The following MAML3 variants were observed in gnomAD, a reference collection of about 807,000 sequenced individuals.
MAML3 encodes the protein mastermind like transcriptional coactivator 3.
A neutral mutation model predicts 101.9 loss-of-function variants in MAML3; 27 were observed. The observed-to-expected ratio is 0.27, with a 90% CI of 0.20 to 0.37. The LOEUF (loss-of-function observed/expected upper bound fraction) is 0.37, where lower values mean the gene tolerates loss of function less well. Ranked by LOEUF, MAML3 falls within the 10% of genes least tolerant of loss-of-function variation. The probability of loss-of-function intolerance (pLI) is 1.00; values close to 1 mark genes in which losing one functional copy is unlikely to be tolerated. For synonymous variants in MAML3, 501 were observed against 555.9 expected (o/e 0.90, Z 1.39); for missense variants, 1,316 against 1,444.9 (o/e 0.91, Z 1.45).
chr4:139,810,373 A>C (rs1483671160), intron 2 of MAML3, among the ~76,000 whole-genome samples: 1 of 151,886 alleles, frequency 6.6e-6, no homozygotes, highest in Non-Finnish European at 1.5e-5. Flanking sequence ...AAATTTTTTT[A>C]GAGTCAGGGT....
At chr4:139,730,801 A>G (rs1728675695) in intron 2 of MAML3, 134 bp from the exon 3 acceptor site, 1 of 758,210 alleles carries the variant, frequency 1.3e-6, no homozygotes, top group Non-Finnish European at 2.1e-6. Flanking sequence ...AGTGGCACGC[A>G]TTGCATTTCC....
intron 2 of MAML3, among the ~76,000 whole-genome samples, chr4:139,864,923 CTTTTTTTTTTTTTTTTT>C (rs56361332): frequency 1.6e-5 from 1 of 62,468 alleles, no homozygotes; most frequent in African/African-American, 5.9e-5. Context: ...TGCAAACTTG[CTTTTTTTTTTTTTTTTT>C]TTTTTTTTTT....
chr4:140,147,996 A>T (rs1011608772), intron 1 of MAML3, among the ~76,000 whole-genome samples: 4 of 152,148 alleles, frequency 2.6e-5, no homozygotes, highest in Non-Finnish European at 5.9e-5. Context: ...TGGGCAGGAA[A>T]ACTTCTTTAA....
chr4:139,907,111 T>C (rs1256291908), intron 1 of MAML3, among the ~76,000 whole-genome samples: 1 of 152,252 alleles, frequency 6.6e-6, no homozygotes, highest in African/African-American at 2.4e-5. Flanking sequence ...TGCTTATCAG[T>C]ATTTAAAAAT....
At chr4:139,878,221 T>A (rs1179428024) in intron 2 of MAML3, among the ~76,000 whole-genome samples, 1 of 152,140 alleles carries the variant, frequency 6.6e-6, no homozygotes, top group Non-Finnish European at 1.5e-5. Context: ...TCCCGCCAAC[T>A]CCTACTCATT....
chr4:140,056,332 C>A (rs1335868931), intron 1 of MAML3, among the ~76,000 whole-genome samples: 1 of 151,898 alleles, frequency 6.6e-6, no homozygotes, highest in Admixed American at 6.6e-5. Flanking sequence ...AGCATGCCCT[C>A]AGCTAATCTT....
At chr4:139,837,886 C>G (rs1256198082) in intron 2 of MAML3, among the ~76,000 whole-genome samples, 2 of 152,090 alleles carry the variant, frequency 1.3e-5, no homozygotes, top group African/African-American at 4.8e-5. Flanking sequence ...CGCCACTGCA[C>G]TCCAGCCTGT....
chr4:140,026,522 G>A (rs1162441944), intron 1 of MAML3, among the ~76,000 whole-genome samples: 1 of 152,100 alleles, frequency 6.6e-6, no homozygotes, highest in African/African-American at 2.4e-5. Flanking sequence ...CCAAAGTGCT[G>A]GGATTACAGC....
intron 2 of MAML3, among the ~76,000 whole-genome samples, chr4:139,852,403 G>GTTTTTTTTTTTTGTTGTTGTTTT (rs1731572846): frequency 1.5e-5 from 1 of 68,326 alleles, no homozygotes; most frequent in African/African-American, 6.7e-5. Context: ...TCAGAAGACT[G>GTTTTTTTTTTTTGTTGTTGTTTT]TTTTTTTTTT....
At chr4:139,835,654 C>T (rs539711440) in intron 2 of MAML3, among the ~76,000 whole-genome samples, 9 of 152,264 alleles carry the variant, frequency 5.9e-5, no homozygotes, top group East Asian at 5.8e-4. Flanking sequence ...TATTTTTACT[C>T]GGTGGCCTAT....
chr4:139,809,926 G>A (rs912670233), intron 2 of MAML3, among the ~76,000 whole-genome samples: 6 of 151,132 alleles, frequency 4.0e-5, no homozygotes, highest in African/African-American at 7.3e-5. Context: ...GCATAATAAA[G>A]CTTTGTAGAT....
intron 1 of MAML3, 83 bp downstream of exon 1, chr4:140,152,777 C>T (rs769469246): frequency 8.5e-5 from 131 of 1,547,378 alleles, no homozygotes; most frequent in Non-Finnish European, 1.0e-4. Flanking sequence ...CCCTTGTACC[C>T]CCATGTAAGA....
chr4:139,800,412 G>A (rs377495308), intron 2 of MAML3, among the ~76,000 whole-genome samples: 1 of 152,150 alleles, frequency 6.6e-6, no homozygotes, highest in Non-Finnish European at 1.5e-5. Context: ...GTGTATAGGG[G>A]CTGTCTCAAA....
chr4:139,838,864 T>A (rs532592974), intron 2 of MAML3, among the ~76,000 whole-genome samples: 1 of 152,330 alleles, frequency 6.6e-6, no homozygotes, highest in South Asian at 2.1e-4. Context: ...CTTCCCTTGA[T>A]TTGTAATGGT....
intron 1 of MAML3, among the ~76,000 whole-genome samples, chr4:140,098,338 G>A (rs1270809295): frequency 6.6e-6 from 1 of 152,192 alleles, no homozygotes; most frequent in Non-Finnish European, 1.5e-5. Context: ...GTGTAATGGG[G>A]AACTAGGTTT....
intron 1 of MAML3, among the ~76,000 whole-genome samples, chr4:139,924,525 G>C (rs188629923): frequency 5.2e-4 from 79 of 152,220 alleles, no homozygotes; most frequent in Admixed American, 1.4e-3. Flanking sequence ...CCTGGATCAA[G>C]AAATAGCATT....
At chr4:139,812,971 G>GT (rs1553958234) in intron 2 of MAML3, among the ~76,000 whole-genome samples, 1 of 32,902 alleles carries the variant, frequency 3.0e-5, no homozygotes, top group African/African-American at 1.4e-4. Context: ...TCTCAGAAAT[G>GT]TAAAAAAAAA....
chr4:140,003,670 CT>C (rs1726381963), intron 1 of MAML3, among the ~76,000 whole-genome samples: 1 of 152,208 alleles, frequency 6.6e-6, no homozygotes, highest in South Asian at 2.1e-4. Context: ...CCAGCAACGT[CT>C]GTCAAAGGGG....
At chr4:139,770,711 A>G (rs1318667844) in intron 2 of MAML3, among the ~76,000 whole-genome samples, 3 of 152,232 alleles carry the variant, frequency 2.0e-5, no homozygotes, top group Non-Finnish European at 2.9e-5. Context: ...TTAGCTCAGT[A>G]GCCCTCAGCC....
Sources: allele counts gnomAD v4.1 joint callset (sites outside exome capture counted in the v4.1 genomes callset), GRCh38; gene constraint gnomAD v4.1.1; transcripts MANE v1.5; gene names NCBI Gene and HGNC (gene_info 2026-07-23, HGNC 2026-07-21).